Variants in UGT2B11 observed in about 807,000 individuals in gnomAD.
The protein encoded by UGT2B11 is UDP glucuronosyltransferase family 2 member B11.
A neutral mutation model predicts 51.7 loss-of-function variants in UGT2B11; 49 were observed. The ratio of observed to expected loss-of-function variants is 0.95; its 90% CI spans 0.75 to 1.20. UGT2B11 has a LOEUF of 1.20. Ranked by LOEUF, UGT2B11 falls within the 50% of genes most tolerant of loss-of-function variation. The pLI is 0.00. For missense variants in UGT2B11, 810 were observed against 622.1 expected (o/e 1.30, Z -3.21); for synonymous variants, 273 against 209.0 (o/e 1.31, Z -2.64).
chr4:69,220,761 A>T, the UGT2B11 span, among the ~76,000 whole-genome samples: 4 of 151,790 alleles, frequency 2.6e-5, no homozygotes, highest in African/African-American at 9.7e-5. Context: ...CTTTTCAGTA[A>T]TGATTCCTGA....
At chr4:69,200,821 A>G in intron 5 of UGT2B11, 102 bp from the exon 6 acceptor site, 1 of 1,278,552 alleles carries the variant, frequency 7.8e-7, no homozygotes, top group Non-Finnish European at 1.0e-6. Context: ...ATTCAAAATA[A>G]ATGTCAAAGA....
the UGT2B11 span, among the ~76,000 whole-genome samples, chr4:69,221,341 C>T: frequency 6.6e-6 from 1 of 152,140 alleles, no homozygotes; most frequent in Non-Finnish European, 1.5e-5. Flanking sequence ...CTAACAATAT[C>T]CTGTAATCCT....
At chr4:69,221,069 G>T in the UGT2B11 span, among the ~76,000 whole-genome samples, 1 of 152,158 alleles carries the variant, frequency 6.6e-6, no homozygotes. Context: ...GGCAAGATTG[G>T]GGTATAAGGA....
At chr4:69,220,192 C>T in the UGT2B11 span, among the ~76,000 whole-genome samples, 1 of 152,232 alleles carries the variant, frequency 6.6e-6, no homozygotes, top group Middle Eastern at 3.4e-3. Context: ...AAATGATCTT[C>T]TTTGACTCCA....
upstream of UGT2B11, chr4:69,215,319 T>A (rs1486430292): frequency 1.3e-5 from 2 of 152,078 alleles, no homozygotes; most frequent in African/African-American, 2.4e-5. Context: ...ACCAGTAATC[T>A]AATTTCTGCC....
At chr4:69,222,455 A>G in the UGT2B11 span, among the ~76,000 whole-genome samples, 1 of 152,160 alleles carries the variant, frequency 6.6e-6, no homozygotes, top group Non-Finnish European at 1.5e-5. Flanking sequence ...TGCAAATGCC[A>G]GCGGCCCCAG....
intron 3 of UGT2B11, among the ~76,000 whole-genome samples, chr4:69,206,796 A>T (rs1721876263): frequency 6.6e-6 from 1 of 151,666 alleles, no homozygotes; most frequent in African/African-American, 2.4e-5. Context: ...CTCCAAATTT[A>T]ATTGTAATGT....
intron 2 of UGT2B11, among the ~76,000 whole-genome samples, chr4:69,211,316 C>A (rs1276493207): frequency 6.6e-6 from 1 of 151,462 alleles, no homozygotes; most frequent in Non-Finnish European, 1.5e-5. Flanking sequence ...ATCCTTGTTA[C>A]TTATGGTAGA....
chr4:69,208,520 A>C (rs750155006), intron 2 of UGT2B11, 38 bp from the exon 3 acceptor site: 1 of 1,601,384 alleles, frequency 6.2e-7, no homozygotes, highest in Non-Finnish European at 8.5e-7. Context: ...AAAGAGTATC[A>C]CCACAGCAGG....
chr4:69,212,235 A>G (rs1161802557), intron 2 of UGT2B11, among the ~76,000 whole-genome samples: 1 of 151,534 alleles, frequency 6.6e-6, no homozygotes, highest in Admixed American at 6.6e-5. Context: ...TTTTTCTCTG[A>G]AATTTCTGCA....
upstream of UGT2B11, among the ~76,000 whole-genome samples, chr4:69,216,919 A>T (rs1018714312): frequency 2.0e-5 from 3 of 152,028 alleles, no homozygotes; most frequent in Admixed American, 2.0e-4. Flanking sequence ...ATCTATTCTT[A>T]TTTATCTTAA....
At chr4:69,224,857 A>T in the UGT2B11 span, among the ~76,000 whole-genome samples, 3 of 152,066 alleles carry the variant, frequency 2.0e-5, no homozygotes, top group Non-Finnish European at 1.5e-5. Flanking sequence ...TTTTTCGCTC[A>T]CCTTTTAAAC....
At chr4:69,220,970 T>G in the UGT2B11 span, among the ~76,000 whole-genome samples, 5 of 152,280 alleles carry the variant, frequency 3.3e-5, no homozygotes, top group East Asian at 9.7e-4. Flanking sequence ...AACAGAATTG[T>G]GTGGAGGAGG....
chr4:69,220,050 A>G, the UGT2B11 span, among the ~76,000 whole-genome samples: 2 of 152,312 alleles, frequency 1.3e-5, no homozygotes, highest in East Asian at 3.9e-4. Flanking sequence ...TTCTAGATAC[A>G]ATGAAGAAAC....
At chr4:69,207,844 A>C (rs186833120) in intron 3 of UGT2B11, among the ~76,000 whole-genome samples, 7 of 151,788 alleles carry the variant, frequency 4.6e-5, no homozygotes, top group African/African-American at 1.7e-4. Flanking sequence ...TTCTTCACTC[A>C]TTGGATACTG....
chr4:69,209,396 GTC>G (rs1721976383), intron 2 of UGT2B11, among the ~76,000 whole-genome samples: 1 of 151,676 alleles, frequency 6.6e-6, no homozygotes, highest in Non-Finnish European at 1.5e-5. Flanking sequence ...GAGAGATCTT[GTC>G]TCTCTTTTGA....
In UGT2B11 at chr4:69,214,414, A is replaced by C. The variant is rs1359385668; in HGVS notation, c.309T>G (p.Asp103Glu). The C allele has an allele frequency of 1.2e-6, 2 of 1,612,956 alleles. No homozygotes were observed. Among genetic ancestry groups the C allele is most frequent in the Non-Finnish European group, 1.7e-6 (2 of 1,179,496 alleles). The change falls in exon 1 of 6, where the codon GAT becomes GAG. Residue 103 changes from aspartate (D) to glutamate (E), a missense_variant. By Grantham distance (45) the Asp-to-Glu change is conservative. Transcript: ENST00000446444. ...CTTGTGAAAAATATAACCAAAAGCT[A>C]TCTTTTCGAATGTCTGACCATCTCT... ...QVKRWSDIRKDSFWLYFSQEQ... is the reference protein window; with the variant it reads ...QVKRWSDIRKESFWLYFSQEQ...
At chr4:69,205,342 C>G (rs560488106) in intron 4 of UGT2B11, 138 bp downstream of exon 4, 2 of 1,146,276 alleles carry the variant, frequency 1.7e-6, no homozygotes, top group Non-Finnish European at 2.5e-6. Context: ...CTACCATATT[C>G]TTTTCCCCTA....
chr4:69,214,284 T>A lies in UGT2B11; in HGVS notation c.439A>T (p.Ile147Phe), dbSNP rs571627693. The A allele has an allele frequency of 1.5e-5, 24 of 1,613,304 alleles. 1 individual carries two copies. In the South Asian group the frequency reaches 2.4e-4, roughly 16 times the overall value. Reference sequence around the variant, plus strand: ...GGAAAAACAGCATCTGCAAAAACGATGTCAAATCTTGACTCTTGTAGTTTT... The same window carrying A: ...GGAAAAACAGCATCTGCAAAAACGAAGTCAAATCTTGACTCTTGTAGTTTT... ...MKKLQESRFD[I>F]VFADAVFPCG... The change falls in exon 1 of 6, where the codon ATC becomes TTC. Residue 147 changes from isoleucine to phenylalanine, a missense_variant. By Grantham distance (21) the Ile-to-Phe change is conservative (BLOSUM62 0). Transcript: ENST00000446444.
Sources: gnomAD v4.1 joint callset for allele counts (sites outside exome capture counted in the v4.1 genomes callset) on GRCh38, gnomAD v4.1.1 for gene constraint, MANE v1.5 for transcripts, NCBI Gene and HGNC (gene_info 2026-07-23, HGNC 2026-07-21) for gene names.